Variants in INSL6 observed in about 807,000 individuals in gnomAD.
INSL6 encodes the protein insulin like 6.
Under a neutral mutation model 9.4 loss-of-function variants are expected in INSL6, and 16 were observed. The observed-to-expected ratio is 1.70, with a 90% CI of 1.15 to 2.59. INSL6 has a LOEUF of 2.59. INSL6 is among the 30% of genes most tolerant of loss of function. INSL6 has a pLI of 0.00. For missense variants in INSL6, 391 were observed against 257.3 expected (o/e 1.52, Z -3.56); for synonymous variants, 154 against 96.9 (o/e 1.59, Z -3.46).
chr9:5,076,399 T>G, the INSL6 span, among the ~76,000 whole-genome samples: 1 of 151,980 alleles, frequency 6.6e-6, no homozygotes, highest in African/African-American at 2.4e-5. Context: ...ACCTGAACTT[T>G]AAGCAGCCAC....
At chr9:5,037,240 C>T in the INSL6 span, among the ~76,000 whole-genome samples, 10 of 152,072 alleles carry the variant, frequency 6.6e-5, no homozygotes, top group Admixed American at 2.0e-4. Context: ...GAAATAGGAA[C>T]ATTTTTACAC....
At chr9:5,064,350 C>T in the INSL6 span, among the ~76,000 whole-genome samples, 8 of 151,910 alleles carry the variant, frequency 5.3e-5, no homozygotes, top group South Asian at 2.1e-4. Flanking sequence ...GCCAACATGG[C>T]GAGAACCTGT....
chr9:5,099,225 C>A, the INSL6 span: 1 of 152,204 alleles, frequency 6.6e-6, no homozygotes, highest in African/African-American at 2.4e-5. Context: ...CAGGTCTTTA[C>A]TATGGACAGT....
chr9:5,010,938 C>G, the INSL6 span, among the ~76,000 whole-genome samples: 1 of 152,176 alleles, frequency 6.6e-6, no homozygotes, highest in South Asian at 2.1e-4. Context: ...AGCTTTCCCC[C>G]TCTCCCTACC....
chr9:5,171,426 G>A (rs1825178342), intron 1 of INSL6, among the ~76,000 whole-genome samples: 1 of 152,152 alleles, frequency 6.6e-6, no homozygotes, highest in Admixed American at 6.5e-5. Context: ...ACTGGCCCAA[G>A]TTAAGGATGC....
intron 2 of INSL6, among the ~76,000 whole-genome samples, chr9:5,148,422 C>A (rs1824644593): frequency 6.6e-6 from 1 of 152,112 alleles, no homozygotes. Context: ...GAGGTGACCC[C>A]CCTCACCCGG....
chr9:5,166,520 G>A (rs1825055533), intron 1 of INSL6, among the ~76,000 whole-genome samples: 1 of 152,050 alleles, frequency 6.6e-6, no homozygotes. Flanking sequence ...ATACAGCCAA[G>A]TTTTAAAATA....
intron 1 of INSL6, among the ~76,000 whole-genome samples, chr9:5,178,876 A>C (rs1180672955): frequency 6.6e-6 from 1 of 152,222 alleles, no homozygotes; most frequent in African/African-American, 2.4e-5. Context: ...GATGGATTAA[A>C]GACTTATGTA....
the INSL6 span, among the ~76,000 whole-genome samples, chr9:5,116,873 A>G: frequency 2.0e-3 from 303 of 152,360 alleles, 1 homozygote; most frequent in African/African-American, 6.9e-3. Context: ...ATTAAGTGCA[A>G]TAAGTGTAAG....
the INSL6 span, among the ~76,000 whole-genome samples, chr9:5,056,521 A>G: frequency 6.6e-6 from 1 of 151,964 alleles, no homozygotes; most frequent in African/African-American, 2.4e-5. Flanking sequence ...CTAACTTGCA[A>G]CTCACTTAAT....
At chr9:5,061,314 G>A in the INSL6 span, among the ~76,000 whole-genome samples, 7 of 152,200 alleles carry the variant, frequency 4.6e-5, no homozygotes, top group Admixed American at 6.5e-5. Flanking sequence ...AGCTGTGGAA[G>A]TCCTAGATGG....
chr9:5,139,612 T>C (rs1389757757), intron 2 of INSL6, among the ~76,000 whole-genome samples: 1 of 152,146 alleles, frequency 6.6e-6, no homozygotes, highest in Non-Finnish European at 1.5e-5. Flanking sequence ...GAAATATAAC[T>C]AGAAGAGTGC....
chr9:5,134,383 A>G (rs1297452607), intron 2 of INSL6, among the ~76,000 whole-genome samples: 1 of 152,190 alleles, frequency 6.6e-6, no homozygotes, highest in African/African-American at 2.4e-5. Flanking sequence ...CCCAAGACAC[A>G]TAATTGTCAG....
intron 1 of INSL6, among the ~76,000 whole-genome samples, chr9:5,164,986 T>A (rs1825018943): frequency 6.6e-6 from 1 of 152,178 alleles, no homozygotes; most frequent in African/African-American, 2.4e-5. Flanking sequence ...GGCGGGCGGA[T>A]CACTTGAGGT....
chr9:5,034,888 G>C, the INSL6 span, among the ~76,000 whole-genome samples: 28 of 151,884 alleles, frequency 1.8e-4, no homozygotes, highest in Admixed American at 5.9e-4. Context: ...ACTGAGATCA[G>C]AGCAGAACTG....
chr9:5,155,689 T>G (rs1240143154), intron 2 of INSL6, among the ~76,000 whole-genome samples: 1 of 150,714 alleles, frequency 6.6e-6, no homozygotes, highest in East Asian at 2.0e-4. Flanking sequence ...AAACACCGCA[T>G]GTTCTCACTC....
At chr9:5,108,530 T>C in the INSL6 span, 1 of 152,114 alleles carries the variant, frequency 6.6e-6, no homozygotes, top group Admixed American at 6.5e-5. Flanking sequence ...TTATGGCCTT[T>C]ATAGTAAAAA....
chr9:5,064,534 AAAAAAAG>A, the INSL6 span, among the ~76,000 whole-genome samples: 1 of 152,114 alleles, frequency 6.6e-6, no homozygotes, highest in Non-Finnish European at 1.5e-5. Flanking sequence ...TCAAAAAAAA[AAAAAAAG>A]AAAAAAGGAA....
At chr9:5,031,713 A>G in the INSL6 span, among the ~76,000 whole-genome samples, 3 of 152,344 alleles carry the variant, frequency 2.0e-5, no homozygotes, top group East Asian at 1.9e-4. Flanking sequence ...AATGACTGCA[A>G]TTGTCAACTA....
Sources: allele counts gnomAD v4.1 joint callset (sites outside exome capture counted in the v4.1 genomes callset), GRCh38; gene constraint gnomAD v4.1.1; transcripts MANE v1.5; gene names NCBI Gene and HGNC (gene_info 2026-07-23, HGNC 2026-07-21).